BCAS3: variants seen among roughly 807,000 people sequenced by gnomAD.
BCAS3 encodes BCAS4/BCAS3 fusion.
A neutral mutation model predicts 116.1 loss-of-function variants in BCAS3; 53 were observed. The ratio of observed to expected loss-of-function variants is 0.46; its 90% confidence interval spans 0.37 to 0.57. BCAS3 has a LOEUF of 0.57. BCAS3 is among the 20% of genes least tolerant of loss of function. The probability of loss-of-function intolerance (pLI) is 0.00; values close to 1 mark genes in which losing one functional copy is unlikely to be tolerated. For synonymous variants in BCAS3, 391 were observed against 408.2 expected (o/e 0.96, Z 0.51); for missense variants, 917 against 1,165.4 (o/e 0.79, Z 3.10).
chr17:61,172,286 A>G (rs1449967506), intron 22 of BCAS3, among the ~76,000 whole-genome samples: 7 of 152,240 alleles, frequency 4.6e-5, no homozygotes, highest in Admixed American at 2.0e-4. Context: ...AACAAAAAAC[A>G]CTACCAACGG....
chr17:60,688,558 A>G (rs1045427426), intron 3 of BCAS3, among the ~76,000 whole-genome samples: 1 of 152,136 alleles, frequency 6.6e-6, no homozygotes, highest in African/African-American at 2.4e-5. Context: ...TCACCTGTGT[A>G]ATCCCAGCAC....
chr17:61,123,830 T>C (rs1356929407), intron 22 of BCAS3, among the ~76,000 whole-genome samples: 1 of 152,178 alleles, frequency 6.6e-6, no homozygotes, highest in African/African-American at 2.4e-5. Context: ...CTGACATATT[T>C]AGTTTTATTT....
At position 61,029,369 on chromosome 17, in the gene BCAS3, A is replaced by G. The variant is rs911104252; in HGVS notation, c.1638-5297A>G. 4.6e-5 allele frequency among the ~76,000 whole-genome samples: 7 copies of G among 151,988 alleles called. No homozygotes were observed. The highest frequency in any genetic ancestry group is 1.7e-4 in the African/African-American group (7 of 41,436). On this transcript the variant is annotated intron_variant, in intron 16 of 23. Transcript: ENST00000407086. This position sits in a 1 kb window ranked among gnomAD's most constrained non-coding sequence, Gnocchi z 5.2. ...AAATAAGCTTGTTGGAAAGTAAACTATGCATCTTCAACATTTTAGTCACTT... is the reference window on the plus strand; with the variant it reads ...AAATAAGCTTGTTGGAAAGTAAACTGTGCATCTTCAACATTTTAGTCACTT...
chr17:60,893,718 T>C (rs1337764835), intron 10 of BCAS3, among the ~76,000 whole-genome samples: 1 of 151,470 alleles, frequency 6.6e-6, no homozygotes. Flanking sequence ...AAGTGATTCT[T>C]TCACCTCAGA....
In BCAS3 at chr17:61,132,511, A is replaced by G. The variant is rs1427180651; in HGVS notation, c.2425+47947A>G. Among the ~76,000 whole-genome samples, 2 of 152,348 alleles carry G rather than the reference A, an allele frequency of 1.3e-5. No homozygotes were observed. The highest frequency in any genetic ancestry group is 1.9e-4 in the East Asian group (1 of 5,182). On this transcript the variant is annotated intron_variant, in intron 22 of 23. Coordinates refer to ENST00000407086, the MANE Select transcript of BCAS3 (RefSeq NM_017679.5). The surrounding 1 kb of genome is among the most constrained non-coding windows in gnomAD (Gnocchi z 5.1). ...GTTTTCTTTCAGAAGATTCCCTAAC[A>G]TTGGAATAAATGGTAAGAATATAGA... is the stretch of plus-strand genomic sequence containing the variant.
rs577107185 is a variant in BCAS3 at position 61,098,855 on chromosome 17, G to A, written c.2425+14291G>A. On this transcript the variant is annotated intron_variant, in intron 22 of 23. Coordinates refer to ENST00000407086, the MANE Select transcript of BCAS3 (RefSeq NM_017679.5). This position sits in a 1 kb window ranked among gnomAD's most constrained non-coding sequence, Gnocchi z 4.2. Reference sequence around the variant, plus strand: ...GATACCCCTGGATGGGCTGGGTGTGGTGGCTCACACCTGTAATACCAGCAC... The same window carrying A: ...GATACCCCTGGATGGGCTGGGTGTGATGGCTCACACCTGTAATACCAGCAC... 7.2e-5 allele frequency among the ~76,000 whole-genome samples: 11 copies of A among 152,248 alleles called. No individual in the cohort carries two copies. The highest frequency in any genetic ancestry group is 2.2e-4 in the African/African-American group (9 of 41,548).
intron 14 of BCAS3, among the ~76,000 whole-genome samples, chr17:60,976,208 T>G (rs995548507): frequency 6.6e-6 from 1 of 150,914 alleles, no homozygotes; most frequent in Non-Finnish European, 1.5e-5. Flanking sequence ...TATTTTTTAG[T>G]AGAGATCGGG....
chr17:61,240,806 C>T (rs931957079), intron 22 of BCAS3, among the ~76,000 whole-genome samples: 2 of 152,152 alleles, frequency 1.3e-5, no homozygotes, highest in Non-Finnish European at 2.9e-5. Context: ...CTAAAGGGTC[C>T]ATTTCTTTTA....
chr17:61,114,937 A>G (rs530779577), intron 22 of BCAS3, among the ~76,000 whole-genome samples: 2 of 152,220 alleles, frequency 1.3e-5, no homozygotes, highest in Admixed American at 1.3e-4. Context: ...ATAACGCCTC[A>G]TATCTACAAC....
intron 6 of BCAS3, among the ~76,000 whole-genome samples, chr17:60,757,489 G>T (rs1478093504): frequency 2.1e-5 from 3 of 144,554 alleles, no homozygotes; most frequent in African/African-American, 2.6e-5. Flanking sequence ...TCTCATTGTG[G>T]TTTTTTTCTT....
chr17:60,736,273 C>G (rs2040946902), intron 5 of BCAS3, among the ~76,000 whole-genome samples: 1 of 151,828 alleles, frequency 6.6e-6, no homozygotes, highest in African/African-American at 2.4e-5. Context: ...CATCTATGTT[C>G]ATGAGAGATA....
chr17:60,839,063 T>G (rs1599060993), intron 7 of BCAS3, among the ~76,000 whole-genome samples: 1 of 152,222 alleles, frequency 6.6e-6, no homozygotes, highest in African/African-American at 2.4e-5. Flanking sequence ...ATGTATGTAT[T>G]TATATTATAT....
intron 6 of BCAS3, among the ~76,000 whole-genome samples, chr17:60,771,980 A>C (rs2044757352): frequency 1.3e-5 from 2 of 152,128 alleles, no homozygotes; most frequent in African/African-American, 4.8e-5. Flanking sequence ...GTTGGTTCCA[A>C]GTCTTTGCTC....
chr17:60,909,603 A>G (rs1033711304), intron 11 of BCAS3, among the ~76,000 whole-genome samples: 2 of 152,124 alleles, frequency 1.3e-5, no homozygotes, highest in Non-Finnish European at 2.9e-5. Context: ...TTCTTCAGCA[A>G]TGTGTGACTC....
rs2048386597 is a variant in BCAS3 at position 61,251,777 on chromosome 17, C to G, written c.2426-116550C>G. 6.6e-6 allele frequency among the ~76,000 whole-genome samples: 1 copy of G among 152,110 alleles called. No individual in the cohort carries two copies. The highest frequency in any genetic ancestry group is 2.1e-4 in the South Asian group (1 of 4,818). ...GGAAAAGGCTAGACTGCTAGGTTCC[C>G]AGCTATACTGGATTATTAGACAAAG... On this transcript the variant is annotated intron_variant, in intron 22 of 23. Transcript: ENST00000407086. This position sits in a 1 kb window ranked among gnomAD's most constrained non-coding sequence, Gnocchi z 4.7.
At chr17:60,987,188 A>G (rs748175189) in intron 14 of BCAS3, 3 of 150,508 alleles carry the variant, frequency 2.0e-5, no homozygotes, top group South Asian at 2.1e-4. Context: ...CCATTGGTGT[A>G]TGTGTCTGTT....
chr17:60,823,143 G>C (rs1442782571), intron 7 of BCAS3, among the ~76,000 whole-genome samples: 1 of 152,144 alleles, frequency 6.6e-6, no homozygotes, highest in Non-Finnish European at 1.5e-5. Flanking sequence ...AAAACAAAAA[G>C]TTTTGCTTTG....
intron 22 of BCAS3, among the ~76,000 whole-genome samples, chr17:61,099,974 G>C (rs2074220589): frequency 6.6e-6 from 1 of 152,162 alleles, no homozygotes; most frequent in Non-Finnish European, 1.5e-5. Flanking sequence ...TTGTACTTAT[G>C]CTCTAGACAG....
intron 7 of BCAS3, among the ~76,000 whole-genome samples, chr17:60,833,526 A>AGT (rs1345365154): frequency 6.6e-6 from 1 of 152,228 alleles, no homozygotes; most frequent in Non-Finnish European, 1.5e-5. Context: ...GCTTCATTAT[A>AGT]ACCTTAGTAT....
Sources: gnomAD v4.1 joint callset for allele counts (sites outside exome capture counted in the v4.1 genomes callset) on GRCh38, gnomAD v4.1.1 for gene constraint, Gnocchi (gnomAD v3.1) non-coding constraint, MANE v1.5 for transcripts, NCBI Gene and HGNC (gene_info 2026-07-23, HGNC 2026-07-21) for gene names.